JPH2: variants seen among roughly 807,000 people sequenced by gnomAD.
JPH2 encodes junctophilin 2.
JPH2 carries 38 observed loss-of-function variants against 55.9 expected under a neutral mutation model. The ratio of observed to expected loss-of-function variants is 0.68; its 90% CI spans 0.52 to 0.89. The LOEUF is 0.89. JPH2 is among the 40% of genes least tolerant of loss of function. The pLI is 0.00. For synonymous variants in JPH2, 480 were observed against 472.4 expected, an observed-to-expected ratio of 1.02 and a Z score of -0.21; for missense variants, 964 against 1,037.6, an observed-to-expected ratio of 0.93 and a Z score of 0.97.
At chr20:44,162,130 G>A in intron 1 of JPH2, among the ~76,000 whole-genome samples, 1 of 152,064 alleles carries the variant, frequency 6.6e-6, no homozygotes, top group East Asian at 2.0e-4. Flanking sequence ...GAAATTCTGA[G>A]GCTTCTTTGT....
At chr20:44,137,976 G>A (rs569625321) in intron 2 of JPH2, among the ~76,000 whole-genome samples, 1 of 151,688 alleles carries the variant, frequency 6.6e-6, no homozygotes, top group Non-Finnish European at 1.5e-5. Flanking sequence ...TGTAGAAAGT[G>A]CATCTGTAAA....
In JPH2 at chr20:44,110,441, T is replaced by C. The variant is rs75072398; in HGVS notation, c.*3077A>G. ...GAAAACTTTTGTGTTTTTTTTTTTT[T>C]CCAGATGGAGTCTTGCTCTGTCACC... On this transcript the variant is annotated 3_prime_UTR_variant, in exon 6 of 6. Transcript: ENST00000372980. Among the ~76,000 whole-genome samples, 2 of 139,470 alleles carry C rather than the reference T, an allele frequency of 1.4e-5. No individual in the cohort carries two copies. Among genetic ancestry groups the C allele is most frequent in the African/African-American group, 2.8e-5 (1 of 35,886 alleles). The allele number at this position is 139,470 out of a possible 152,430, so 91.5% of individuals were successfully genotyped here. A position where few individuals can be genotyped will look rare whatever the true frequency, so the allele number is the denominator to read the frequency against.
chr20:44,133,986 T>TTATTATAAATATATATAAATATATA (rs1273737601), intron 2 of JPH2, among the ~76,000 whole-genome samples: 2 of 33,570 alleles, frequency 6.0e-5, no homozygotes, highest in African/African-American at 2.5e-4. Flanking sequence ...TAAATATATA[T>TTATTATAAATATATATAAATATATA]TATTATAAAT....
chr20:44,134,768 A>AG (rs1171489356), intron 2 of JPH2, among the ~76,000 whole-genome samples: 3 of 107,284 alleles, frequency 2.8e-5, no homozygotes, highest in African/African-American at 1.1e-4. Flanking sequence ...AAATATATAA[A>AG]AATATTTATA....
intron 3 of JPH2, among the ~76,000 whole-genome samples, chr20:44,116,792 G>A (rs963075391): frequency 6.6e-6 from 1 of 152,226 alleles, no homozygotes; most frequent in Non-Finnish European, 1.5e-5. Flanking sequence ...GAAGGATTGA[G>A]AAAATGCATG....
At chr20:44,153,648 C>T (rs573755471) in intron 2 of JPH2, among the ~76,000 whole-genome samples, 69 of 152,350 alleles carry the variant, frequency 4.5e-4, no homozygotes, top group Non-Finnish European at 8.1e-4. Flanking sequence ...CAGGGCCATG[C>T]CCTGCCTCTG....
chr20:44,117,253 T>TG lies in JPH2; in HGVS notation c.1289-868dup, dbSNP rs534526971. On this transcript the variant is annotated intron_variant, in intron 3 of 5. Transcript: ENST00000372980. ...GAGATCGCGCCACTGCACTCCAGCC[T>TG]GGTGACAGAGCGAGACTCCGTCTCA... Among the ~76,000 whole-genome samples, 286 of 152,232 alleles carry TG rather than the reference T, an allele frequency of 1.9e-3. 2 individuals are homozygous for TG. Among genetic ancestry groups the TG allele is most frequent in the African/African-American group, 6.7e-3 (280 of 41,544 alleles).
At chr20:44,131,518 C>A (rs2072318770) in intron 2 of JPH2, among the ~76,000 whole-genome samples, 1 of 152,120 alleles carries the variant, frequency 6.6e-6, no homozygotes, top group South Asian at 2.1e-4. Context: ...GGGTAACTAA[C>A]ACAATGGGGA....
chr20:44,152,620 G>T (rs2072539358), intron 2 of JPH2, among the ~76,000 whole-genome samples: 1 of 152,196 alleles, frequency 6.6e-6, no homozygotes, highest in Admixed American at 6.6e-5. Flanking sequence ...TAAATAAGCA[G>T]GCTCAAAGAT....
At chr20:44,161,241 A>G (rs1040397577) in intron 1 of JPH2, among the ~76,000 whole-genome samples, 1 of 152,110 alleles carries the variant, frequency 6.6e-6, no homozygotes, top group African/African-American at 2.4e-5. Context: ...CTCCAGGCTG[A>G]GTGTGTGAGG....
At chr20:44,155,266 G>A (rs1263711994) in intron 2 of JPH2, among the ~76,000 whole-genome samples, 1 of 152,056 alleles carries the variant, frequency 6.6e-6, no homozygotes, top group Non-Finnish European at 1.5e-5. Context: ...AAGCAACTTG[G>A]GCAAGGTCAC....
chr20:44,134,989 T>C (rs1159997807), intron 2 of JPH2, among the ~76,000 whole-genome samples: 1 of 138,600 alleles, frequency 7.2e-6, no homozygotes, highest in Non-Finnish European at 1.5e-5. Flanking sequence ...GTGCTGGGAA[T>C]GACCAAGTGG....
Position 44,151,773 on chromosome 20 carries a change from G to A in JPH2, c.1169+7845C>T, listed in dbSNP as rs145852467. On this transcript the variant is annotated intron_variant, in intron 2 of 5. Transcript: ENST00000372980. ...TCAAAGCCCGTACTAACCTGGCCCT[G>A]GGCTGCCTTCTCGGCCTCATCTCTA... Among the ~76,000 whole-genome samples, 18 of 152,270 alleles carry A rather than the reference G, an allele frequency of 1.2e-4. No individual in the cohort carries two copies. In the East Asian group the frequency reaches 3.1e-3, roughly 26 times the overall value.
chr20:44,163,837 G>C (rs953433275), intron 1 of JPH2, among the ~76,000 whole-genome samples: 4 of 152,162 alleles, frequency 2.6e-5, no homozygotes, highest in African/African-American at 9.7e-5. Context: ...AGTGCTTCCA[G>C]CCCCTCTGGA....
chr20:44,120,387 G>C (rs1005226785), intron 2 of JPH2, among the ~76,000 whole-genome samples: 10 of 152,154 alleles, frequency 6.6e-5, no homozygotes, highest in African/African-American at 1.2e-4. Context: ...TGTCAGCTTA[G>C]CTTAACTCAC....
Position 44,118,526 on chromosome 20 carries a change from C to T in JPH2, c.1267G>A (p.Ala423Thr). The T allele has an allele frequency of 6.2e-7, 1 of 1,613,096 alleles. No individual in the cohort carries two copies. ...NIARTLAREL[A>T]PDFYQPGPEY... Reference sequence around the variant, plus strand: ...CTACCTGGCTGGTAGAAGTCCGGAGCCAGCTCCCTGGCCAAAGTGCGAGCA... The same window carrying T: ...CTACCTGGCTGGTAGAAGTCCGGAGTCAGCTCCCTGGCCAAAGTGCGAGCA... Residue 423 changes from alanine (A) to threonine (T), a missense_variant, in exon 3 of 6, where the codon GCT becomes ACT. By Grantham distance (58) the Ala-to-Thr change is moderately conservative. Coordinates refer to ENST00000372980, the MANE Select transcript of JPH2 (RefSeq NM_020433.5).
Position 44,160,207 on chromosome 20 carries a change from C to T in JPH2, c.580G>A (p.Ala194Thr), listed in dbSNP as rs914203878. 9.9e-6 allele frequency: 14 copies of T among 1,408,382 alleles called. No homozygotes were observed. The highest frequency in any genetic ancestry group is 1.3e-5 in the Non-Finnish European group (14 of 1,090,986). 87.2% of individuals were successfully genotyped at this position (1,408,382 alleles called of 1,614,324 possible). ...AGCGCGAAGCCGCCACGCGGGATGG[C>T]GGGCGAGGGCAGCGCGGGGCCGTCG... ...ASDGPALPSP[A>T]IPRGGFALSL... The change falls in exon 2 of 6, where the codon GCC (alanine) becomes ACC (threonine). Residue 194 changes from alanine (A) to threonine (T), a missense_variant. By Grantham distance (58) the Ala-to-Thr change is moderately conservative. Transcript: ENST00000372980. This position sits in a 1 kb window ranked among gnomAD's most constrained non-coding sequence, Gnocchi z 4.9.
intron 1 of JPH2, among the ~76,000 whole-genome samples, chr20:44,176,019 T>A (rs1245536821): frequency 6.6e-6 from 1 of 152,148 alleles, no homozygotes; most frequent in Non-Finnish European, 1.5e-5. Context: ...TCACCCCATC[T>A]CAGTTCATGG....
At chr20:44,155,581 A>G (rs2072560057) in intron 2 of JPH2, among the ~76,000 whole-genome samples, 1 of 152,190 alleles carries the variant, frequency 6.6e-6, no homozygotes. Flanking sequence ...TCTGAATTCC[A>G]AAGGATGGAG....
Sources: allele counts gnomAD v4.1 joint callset (sites outside exome capture counted in the v4.1 genomes callset), GRCh38; gene constraint gnomAD v4.1.1; non-coding constraint Gnocchi (gnomAD v3.1); transcripts MANE v1.5; gene names NCBI Gene and HGNC (gene_info 2026-07-23, HGNC 2026-07-21).